IPO8: variants seen among roughly 807,000 people sequenced by gnomAD.
The protein encoded by IPO8 is importin 8, also known as importin-8.
A neutral mutation model predicts 141.2 loss-of-function variants in IPO8; 65 were observed. The ratio of observed to expected loss-of-function variants is 0.46; its 90% CI spans 0.38 to 0.57. The LOEUF is 0.57. Ranked by LOEUF, IPO8 falls within the 20% of genes least tolerant of loss-of-function variation. IPO8 has a pLI of 0.00. For missense variants in IPO8, 980 were observed against 1,246.8 expected (o/e 0.79, Z 3.22); for synonymous variants, 411 against 420.3 (o/e 0.98, Z 0.27).
chr12:30,644,643 T>TG (rs1211224588), intron 20 of IPO8, among the ~76,000 whole-genome samples: 5 of 97,750 alleles, frequency 5.1e-5, no homozygotes, highest in African/African-American at 2.6e-4. Context: ...TTTTGGTGTT[T>TG]TTTTTTTTTG....
chr12:30,664,608 C>T lies in IPO8; in HGVS notation c.1428+612G>A, dbSNP rs2052935023. 5.3e-5 allele frequency among the ~76,000 whole-genome samples: 8 copies of T among 152,286 alleles called. No individual in the cohort carries two copies. The South Asian group carries it at 1.7e-3, about 32-fold the overall frequency. On this transcript the variant is annotated intron_variant, in intron 13 of 24. Transcript: ENST00000256079. Reference sequence around the variant, plus strand: ...CTGGAATTTCATGTCATTTTATACACAAAATAAATCCATTTGTGAATTTAA... The same window carrying T: ...CTGGAATTTCATGTCATTTTATACATAAAATAAATCCATTTGTGAATTTAA...
chr12:30,652,955 T>A lies in IPO8; in HGVS notation c.2074+12A>T, dbSNP rs1431935629. On this transcript the variant is annotated intron_variant, in intron 18 of 24. Coordinates refer to ENST00000256079, the MANE Select transcript of IPO8 (RefSeq NM_006390.4). ...ACAGAAAAGCAAAAATTTTATATGG[T>A]CAAAGCCATACCTGTAAAGTATTCA... The A allele has an allele frequency of 1.9e-6, 3 of 1,590,360 alleles. No homozygotes were observed. Among genetic ancestry groups the A allele is most frequent in the Non-Finnish European group, 2.6e-6 (3 of 1,172,638 alleles).
Position 30,630,950 on chromosome 12 carries a change from C to CT in IPO8, c.3023dup (p.Lys1009GlufsTer4). 1 of 1,612,404 alleles carries CT rather than the reference C, an allele frequency of 6.2e-7. No individual in the cohort carries two copies. The highest frequency in any genetic ancestry group is 8.5e-7 in the Non-Finnish European group (1 of 1,179,434). On this transcript the variant is annotated frameshift_variant, in exon 25 of 25. Coordinates refer to ENST00000256079, the MANE Select transcript of IPO8 (RefSeq NM_006390.4). LOFTEE classifies it high-confidence loss of function. ...AGCCTCCCTGTTGTTCAATCTTCTTCTTTGCCTCTAGCATTTTTCAAAAGA... is the reference window on the plus strand; with the variant it reads ...AGCCTCCCTGTTGTTCAATCTTCTTCTTTTGCCTCTAGCATTTTTCAAAAGA...
chr12:30,688,102 A>C (rs540781451), intron 2 of IPO8, among the ~76,000 whole-genome samples: 1 of 152,304 alleles, frequency 6.6e-6, no homozygotes, highest in South Asian at 2.1e-4. Flanking sequence ...ATTTTACTAA[A>C]GAGTCTCTTC....
chr12:30,665,965 A>T (rs1399777289), intron 11 of IPO8, 120 bp from the exon 12 acceptor site: 1 of 691,314 alleles, frequency 1.4e-6, no homozygotes, highest in Non-Finnish European at 2.4e-6. Flanking sequence ...TCAAGCAACT[A>T]TAAGCTCAAT....
intron 17 of IPO8, among the ~76,000 whole-genome samples, chr12:30,654,501 T>C (rs1039170410): frequency 6.6e-6 from 1 of 151,830 alleles, no homozygotes; most frequent in African/African-American, 2.4e-5. Flanking sequence ...CCAAAATATA[T>C]AAGGAACTCA....
Position 30,671,024 on chromosome 12 carries a change from T to C in IPO8, c.982A>G (p.Asn328Asp). ...VAPRVLQQAFNYLNQGVVHSI... is the reference protein window; with the variant it reads ...VAPRVLQQAFDYLNQGVVHSI... ...TGAACCACCCCTTGGTTGAGATAGT[T>C]GAATGCTTGCTGAAGAACACGGGGA... The change falls in exon 9 of 25, where the codon AAC becomes GAC. Residue 328 changes from asparagine to aspartate, a missense_variant. Transcript: ENST00000256079. 6.2e-7 allele frequency: 1 copy of C among 1,613,496 alleles called. No homozygotes were observed. The highest frequency in any genetic ancestry group is 8.5e-7 in the Non-Finnish European group (1 of 1,179,440).
intron 5 of IPO8, among the ~76,000 whole-genome samples, chr12:30,679,373 A>C (rs1306687443): frequency 6.6e-6 from 1 of 152,196 alleles, no homozygotes; most frequent in Non-Finnish European, 1.5e-5. Context: ...TAGCAAACCA[A>C]TTAGAGGTAG....
Position 30,653,060 on chromosome 12 carries a change from T to C in IPO8, c.1981A>G (p.Ser661Gly). The C allele has an allele frequency of 6.2e-7, 1 of 1,610,690 alleles. No individual in the cohort carries two copies. The highest frequency in any genetic ancestry group is 8.5e-7 in the Non-Finnish European group (1 of 1,178,392). ...GGGGAAATACTGTGGCAGGTTAAAC[T>C]GTATGCCAGGGAAAGAATTTCTTCA... The part of the protein sequence containing the change: ...FYEEILSLAY[S>G]LTCHSISPQM... Residue 661 changes from serine to glycine, a missense_variant, in exon 18 of 25, where the codon AGT becomes GGT. Ser to Gly is a moderately conservative substitution (Grantham distance 56, BLOSUM62 0). Around this residue, in one of 3 missense-constraint regions of IPO8, gnomAD observed 924 missense variants for 1,153.9 expected, o/e 0.80. Coordinates refer to ENST00000256079, the MANE Select transcript of IPO8 (RefSeq NM_006390.4).
chr12:30,639,376 T>C (rs1315743906), intron 21 of IPO8, 139 bp downstream of exon 21: 1 of 615,192 alleles, frequency 1.6e-6, no homozygotes, highest in Non-Finnish European at 2.8e-6. Flanking sequence ...CTTAATCCTC[T>C]AAAAATTAAA....
intron 16 of IPO8, 136 bp from the exon 17 acceptor site, chr12:30,656,886 A>G: frequency 2.3e-6 from 1 of 437,896 alleles, no homozygotes; most frequent in Non-Finnish European, 4.1e-6. Context: ...TGAAAAACTA[A>G]ACATGCAAGA....
chr12:30,687,372 A>G (rs774489485), intron 2 of IPO8, among the ~76,000 whole-genome samples: 10 of 152,230 alleles, frequency 6.6e-5, no homozygotes, highest in Non-Finnish European at 1.2e-4. Flanking sequence ...ATAAGTTGAA[A>G]TTAACTTTCT....
chr12:30,634,709 A>G (rs1205684665), intron 22 of IPO8, among the ~76,000 whole-genome samples: 1 of 152,170 alleles, frequency 6.6e-6, no homozygotes, highest in Non-Finnish European at 1.5e-5. Context: ...CCTATTGAGA[A>G]TTCAGTCCTC....
At chr12:30,667,522 G>A (rs939010810) in intron 10 of IPO8, among the ~76,000 whole-genome samples, 3 of 152,128 alleles carry the variant, frequency 2.0e-5, no homozygotes, top group East Asian at 1.9e-4. Flanking sequence ...TTTGTTTCAC[G>A]TAAATAATTG....
At chr12:30,646,049 AC>A (rs1255531447) in intron 20 of IPO8, among the ~76,000 whole-genome samples, 1 of 152,242 alleles carries the variant, frequency 6.6e-6, no homozygotes, top group African/African-American at 2.4e-5. Flanking sequence ...CAGACAAAAA[AC>A]ATCACAAGAA....
In IPO8 at chr12:30,653,082, T is replaced by G. The variant is rs1410816924; in HGVS notation, c.1959A>C (p.Glu653Asp). 1.2e-6 allele frequency: 2 copies of G among 1,606,784 alleles called. No individual in the cohort carries two copies. The highest frequency in any genetic ancestry group is 1.7e-6 in the Non-Finnish European group (2 of 1,177,682). ...VLQKHVIEFY[E>D]EILSLAYSLT... Reference sequence around the variant, plus strand: ...AACTGTATGCCAGGGAAAGAATTTCTTCATAGAATTCTAGAAGAAAGAAAA... The same window carrying G: ...AACTGTATGCCAGGGAAAGAATTTCGTCATAGAATTCTAGAAGAAAGAAAA... The change falls in exon 18 of 25, where the codon GAA becomes GAC. Residue 653 changes from glutamate to aspartate, a missense_variant. By Grantham distance (45) the Glu-to-Asp change is conservative. This residue lies in a region of IPO8 where 924 missense variants were observed against 1,153.9 expected (regional missense o/e 0.80). Transcript: ENST00000256079.
chr12:30,666,140 T>C, intron 11 of IPO8, 35 bp downstream of exon 11: 1 of 1,328,430 alleles, frequency 7.5e-7, no homozygotes, highest in Non-Finnish European at 1.1e-6. Flanking sequence ...ACAGGCCACC[T>C]TTCAGTTTTG....
At chr12:30,645,273 T>C (rs549060972) in intron 20 of IPO8, among the ~76,000 whole-genome samples, 8 of 151,056 alleles carry the variant, frequency 5.3e-5, no homozygotes, top group Non-Finnish European at 1.0e-4. Context: ...CTTGGGAGGT[T>C]GAAGCTCAAG....
chr12:30,635,402 A>G (rs540307310), intron 22 of IPO8, among the ~76,000 whole-genome samples: 25 of 152,264 alleles, frequency 1.6e-4, no homozygotes, highest in African/African-American at 5.8e-4. Context: ...TTCACAAATC[A>G]TAACATCACT....
Sources: allele counts gnomAD v4.1 joint callset (sites outside exome capture counted in the v4.1 genomes callset), GRCh38; gene constraint gnomAD v4.1.1; regional missense constraint gnomAD v4.1.1; transcripts MANE v1.5; gene names NCBI Gene and HGNC (gene_info 2026-07-23, HGNC 2026-07-21).